ZNF609: variants seen among roughly 807,000 people sequenced by gnomAD.
The protein encoded by ZNF609 is zinc finger protein 609.
Under a neutral mutation model 109.5 loss-of-function variants are expected in ZNF609, and 11 were observed. That is an observed-to-expected ratio of 0.10 (90% confidence interval 0.06 to 0.17). The LOEUF is 0.17. Among genes scored for constraint, ZNF609 ranks in the 10% least tolerant of loss-of-function variants. ZNF609 has a pLI of 1.00. For missense variants in ZNF609, 1,559 were observed against 1,772.4 expected (o/e 0.88, Z 2.16); for synonymous variants, 646 against 662.0 (o/e 0.98, Z 0.37).
intron 2 of ZNF609, among the ~76,000 whole-genome samples, chr15:64,618,907 G>C (rs1468676214): frequency 6.6e-6 from 1 of 152,156 alleles, no homozygotes; most frequent in Admixed American, 6.5e-5. Context: ...AGGCCAGGGT[G>C]GTCTTGGGAA....
rs1892926690 is a variant in ZNF609, at chr15:64,460,742, C to T, written c.-224C>T. The T allele has an allele frequency of 6.9e-6, 1 of 145,860 alleles. No individual in the cohort carries two copies. Among genetic ancestry groups the T allele is most frequent in the Non-Finnish European group, 1.5e-5 (1 of 67,252 alleles). 9.0% of individuals were successfully genotyped at this position (145,860 alleles called of 1,614,324 possible). A position where few individuals can be genotyped will look rare whatever the true frequency, so the allele number is the denominator to read the frequency against. ...GGGGTGGGGTGGGGGGGAGGGGCCG[C>T]GGGAACGGATGGCGGCCTGGGCCCC... On this transcript the variant is annotated 5_prime_UTR_variant, in exon 1 of 10. Transcript: ENST00000326648.
chr15:64,624,398 A>G (rs1895921533), intron 3 of ZNF609, among the ~76,000 whole-genome samples: 1 of 152,164 alleles, frequency 6.6e-6, no homozygotes, highest in South Asian at 2.1e-4. Context: ...TGTTGGAATG[A>G]CAGACATATC....
At chr15:64,619,729 A>T (rs1267377667) in intron 2 of ZNF609, among the ~76,000 whole-genome samples, 1 of 152,182 alleles carries the variant, frequency 6.6e-6, no homozygotes, top group East Asian at 1.9e-4. Flanking sequence ...TGAGTTCCTC[A>T]TGTGTATGAG....
chr15:64,641,023 C>T (rs1366718814), intron 3 of ZNF609, among the ~76,000 whole-genome samples: 1 of 152,140 alleles, frequency 6.6e-6, no homozygotes, highest in Non-Finnish European at 1.5e-5. Context: ...TTGGCCTTCT[C>T]TATCCTGTAC....
intron 1 of ZNF609, among the ~76,000 whole-genome samples, chr15:64,461,751 A>G (rs1193172825): frequency 1.3e-5 from 2 of 152,176 alleles, no homozygotes; most frequent in African/African-American, 4.8e-5. Context: ...AGAGTGAGAA[A>G]GATAGGGAAG....
chr15:64,639,723 G>T (rs965754242), intron 3 of ZNF609, among the ~76,000 whole-genome samples: 3 of 152,088 alleles, frequency 2.0e-5, no homozygotes, highest in African/African-American at 4.8e-5. Flanking sequence ...GCAGGGGAAG[G>T]GTGGGACAGG....
At chr15:64,543,390 T>C (rs1894303597) in intron 2 of ZNF609, among the ~76,000 whole-genome samples, 1 of 151,196 alleles carries the variant, frequency 6.6e-6, no homozygotes, top group Non-Finnish European at 1.5e-5. Context: ...CCTTTGTGTA[T>C]ATATACTTTT....
At chr15:64,630,464 G>A (rs1896053319) in intron 3 of ZNF609, among the ~76,000 whole-genome samples, 2 of 151,834 alleles carry the variant, frequency 1.3e-5, no homozygotes, top group South Asian at 4.2e-4. Context: ...GTTTCTCTAG[G>A]AATTACAGTA....
Position 64,605,244 on chromosome 15 carries a change from A to C in ZNF609, c.748-17583A>C, listed in dbSNP as rs551800814. ...TAAGGTACCAAAGGAAGAAAGAAAC[A>C]GTATAACCTGTATATAACCTGTTTC... On this transcript the variant is annotated intron_variant, in intron 2 of 9. Transcript: ENST00000326648. Among the ~76,000 whole-genome samples the C allele has an allele frequency of 3.3e-5, 5 of 152,368 alleles. No homozygotes were observed. In the South Asian group the frequency reaches 1.0e-3, roughly 32 times the overall value.
intron 3 of ZNF609, among the ~76,000 whole-genome samples, chr15:64,652,519 T>C (rs1041557482): frequency 1.4e-4 from 21 of 151,570 alleles, no homozygotes; most frequent in African/African-American, 4.9e-4. Flanking sequence ...TCCAAGTAGC[T>C]GGGACTACAG....
rs533756172 is a variant in ZNF609 at position 64,674,029 on chromosome 15, G to A, written c.1175G>A (p.Ser392Asn). The A allele has an allele frequency of 1.9e-5, 30 of 1,614,172 alleles. 1 individual carries two copies. The South Asian group carries it at 2.6e-4, about 14-fold the overall frequency. Residue 392 changes from serine (S) to asparagine (N), a missense_variant, in exon 5 of 10, where the codon AGC becomes AAC. Around this residue, in one of 4 missense-constraint regions of ZNF609, gnomAD observed 1,204 missense variants for 1,314.1 expected, o/e 0.92. Transcript: ENST00000326648. ...PVNETATASD[S>N]KGTSNSSKTR... ...AATGAGACAGCCACAGCCTCTGACAGCAAAGGGACCAGTAACAGCAGCAAA... is the reference window on the plus strand; with the variant it reads ...AATGAGACAGCCACAGCCTCTGACAACAAAGGGACCAGTAACAGCAGCAAA...
At chr15:64,468,671 T>C (rs1352273489) in intron 1 of ZNF609, among the ~76,000 whole-genome samples, 2 of 152,040 alleles carry the variant, frequency 1.3e-5, no homozygotes, top group African/African-American at 4.8e-5. Flanking sequence ...CTTCCATGGT[T>C]TCCCAAAGTG....
chr15:64,481,659 A>G (rs1429506519), intron 1 of ZNF609, among the ~76,000 whole-genome samples: 3 of 152,050 alleles, frequency 2.0e-5, no homozygotes, highest in Non-Finnish European at 4.4e-5. Flanking sequence ...AATATTGGAA[A>G]CGTTTTCAGT....
chr15:64,582,675 T>G (rs1895124766), intron 2 of ZNF609, among the ~76,000 whole-genome samples: 1 of 151,132 alleles, frequency 6.6e-6, no homozygotes, highest in African/African-American at 2.4e-5. Context: ...CCTTAAGCAA[T>G]CCTACATTTC....
At chr15:64,481,323 T>TC (rs1446421427) in intron 1 of ZNF609, among the ~76,000 whole-genome samples, 2 of 149,024 alleles carry the variant, frequency 1.3e-5, no homozygotes, top group South Asian at 2.1e-4. Flanking sequence ...TTTTTTCTTT[T>TC]TTTTTTTTTT....
chr15:64,553,441 G>A (rs1327314668), intron 2 of ZNF609, among the ~76,000 whole-genome samples: 1 of 151,452 alleles, frequency 6.6e-6, no homozygotes, highest in East Asian at 1.9e-4. Flanking sequence ...TTTTCAGTGT[G>A]TATATTTTAC....
intron 1 of ZNF609, chr15:64,470,522 G>C (rs1256693760): frequency 1.3e-5 from 2 of 151,974 alleles, no homozygotes; most frequent in Admixed American, 1.3e-4. Context: ...TTGCTTTCAA[G>C]CAGTTTTTTT....
In ZNF609 at chr15:64,460,675, G is replaced by A. The variant is rs1348611722; in HGVS notation, c.-291G>A. 3 of 156,028 alleles carry A rather than the reference G, an allele frequency of 1.9e-5. No individual in the cohort carries two copies. Among genetic ancestry groups the A allele is most frequent in the Non-Finnish European group, 4.1e-5 (3 of 72,850 alleles). The allele number at this position is 156,028 out of a possible 1,614,324, so 9.7% of individuals were successfully genotyped here. Reference sequence around the variant, plus strand: ...CGGCCGGGCGGGGCGGAGAGGCGCGGGGAGGGGGCAGAGAGCCAGAGCCGG... The same window carrying A: ...CGGCCGGGCGGGGCGGAGAGGCGCGAGGAGGGGGCAGAGAGCCAGAGCCGG... On this transcript the variant is annotated 5_prime_UTR_variant, in exon 1 of 10. Transcript: ENST00000326648.
intron 4 of ZNF609, 102 bp from the exon 5 acceptor site, chr15:64,673,814 A>G: frequency 7.8e-7 from 1 of 1,279,350 alleles, no homozygotes; most frequent in South Asian, 1.6e-5. Flanking sequence ...ATTCATTGAA[A>G]ATGATAGTCA....
Sources: allele counts gnomAD v4.1 joint callset (sites outside exome capture counted in the v4.1 genomes callset), GRCh38; gene constraint gnomAD v4.1.1; regional missense constraint gnomAD v4.1.1; transcripts MANE v1.5; gene names NCBI Gene and HGNC (gene_info 2026-07-23, HGNC 2026-07-21).